The following RNH1 variants were observed in gnomAD, a reference collection of about 807,000 sequenced individuals.
RNH1 encodes the protein ribonuclease/angiogenin inhibitor 1.
RNH1 carries 38 observed loss-of-function variants against 46.1 expected under a neutral mutation model. The ratio of observed to expected loss-of-function variants is 0.82; its 90% CI spans 0.64 to 1.08. RNH1 has a LOEUF of 1.08. Among genes scored for constraint, RNH1 ranks in the 50% least tolerant of loss-of-function variants. The pLI is 0.00. For synonymous variants in RNH1, 319 were observed against 279.1 expected, an observed-to-expected ratio of 1.14 and a Z score of -1.43; for missense variants, 577 against 590.7, an observed-to-expected ratio of 0.98 and a Z score of 0.24.
At chr11:506,002 C>T (rs1850240075) in intron 1 of RNH1, 1 of 152,426 alleles carries the variant, frequency 6.6e-6, no homozygotes, top group Non-Finnish European at 1.5e-5. Context: ...ACCTCAACCT[C>T]CCAAGTAGCT....
At chr11:495,440 G>A (rs528762615) in intron 9 of RNH1, among the ~76,000 whole-genome samples, 14 of 152,300 alleles carry the variant, frequency 9.2e-5, no homozygotes, top group African/African-American at 3.4e-4. Flanking sequence ...GGGTATGGAG[G>A]GTACCAAGAC....
rs376817899 is a variant in RNH1 at position 502,090 on chromosome 11, G to A, written c.73C>T (p.Pro25Ser). ...LSDARWAELL[P>S]LLQQCQVVRL... Reference sequence around the variant, plus strand: ...ACCACTTGGCACTGCTGGAGCAGAGGGAGGAGCTCGGCCCATCTAGCGTCG... The same window carrying A: ...ACCACTTGGCACTGCTGGAGCAGAGAGAGGAGCTCGGCCCATCTAGCGTCG... Residue 25 changes from proline to serine, a missense_variant, in exon 3 of 11, where the codon CCT becomes TCT. Coordinates refer to ENST00000354420, the MANE Select transcript of RNH1 (RefSeq NM_203387.3). This position sits in a 1 kb window ranked among gnomAD's most constrained non-coding sequence, Gnocchi z 5.8. The A allele has an allele frequency of 1.9e-5, 31 of 1,612,036 alleles. No homozygotes were observed. In the African/African-American group the frequency reaches 2.8e-4, roughly 15 times the overall value.
intron 4 of RNH1, 74 bp from the exon 5 acceptor site, chr11:500,073 G>A: frequency 6.9e-7 from 1 of 1,442,324 alleles, no homozygotes; most frequent in Non-Finnish European, 9.2e-7. Flanking sequence ...AGAGCCCAGA[G>A]CCCGGAGCAG....
At position 498,531 on chromosome 11, in the gene RNH1, G is replaced by A. The variant is rs368765339; in HGVS notation, c.882C>T (p.Asn294=). ...ESLKELSLAG[N]ELGDEGARLL... ...GTCGGGCACCCTCATCCCCCAGCTC[G>A]TTGCCGGCCAGGCTGAGCTCCTTCA... The change falls in exon 8 of 11, where the codon AAC becomes AAT. Residue 294 remains asparagine (N), a synonymous_variant. Transcript: ENST00000354420. 17 of 1,613,164 alleles carry A rather than the reference G, an allele frequency of 1.1e-5. No individual in the cohort carries two copies. Among genetic ancestry groups the A allele is most frequent in the Admixed American group, 5.0e-5 (3 of 60,010 alleles).
Position 494,990 on chromosome 11 carries a change from G to T in RNH1, c.1191C>A (p.Asn397Lys), listed in dbSNP as rs1404190361. ...CSSLAATLLANHSLRELDLSN... is the reference protein window; with the variant it reads ...CSSLAATLLAKHSLRELDLSN... ...TGAGGTCCAGCTCACGCAGGCTGTG[G>T]TTGGCCAACAGGGTTGCGGCGAGGC... Residue 397 changes from asparagine (N) to lysine (K), a missense_variant, in exon 10 of 11, where the codon AAC (asparagine) becomes AAA (lysine). Physicochemically the swap from Asn to Lys is moderately conservative, Grantham distance 94 (BLOSUM62 0). Coordinates refer to ENST00000354420, the MANE Select transcript of RNH1 (RefSeq NM_203387.3). 6.2e-7 allele frequency: 1 copy of T among 1,605,476 alleles called. No homozygotes were observed. The highest frequency in any genetic ancestry group is 8.5e-7 in the Non-Finnish European group (1 of 1,176,456).
chr11:505,762 T>C (rs1850212536), intron 1 of RNH1: 1 of 152,266 alleles, frequency 6.6e-6, no homozygotes, highest in Non-Finnish European at 1.5e-5. Flanking sequence ...GGTCTCACTA[T>C]TTTGGCCAAA....
At position 502,371 on chromosome 11, in the gene RNH1, G is replaced by A. The variant is rs12788729; in HGVS notation, c.-87-122C>T. ...TGGAGCAGACATCAGGGGTGGGGCA[G>A]GGGGCAGGGACCAGCACCCACCCCC... On this transcript the variant is annotated intron_variant, in intron 2 of 10. Transcript: ENST00000354420. This position sits in a 1 kb window ranked among gnomAD's most constrained non-coding sequence, Gnocchi z 5.8. The A allele has an allele frequency of 0.11, 63,427 of 600,426 alleles. 4,313 individuals are homozygous for A. The highest frequency in any genetic ancestry group is 0.2 in the Admixed American group (7,268 of 35,456). 37.2% of individuals were successfully genotyped at this position (600,426 alleles called of 1,614,324 possible). A position where few individuals can be genotyped will look rare whatever the true frequency, so the allele number is the denominator to read the frequency against.
chr11:504,712 G>A (rs1041121420), intron 2 of RNH1, 112 bp downstream of exon 2: 1 of 152,380 alleles, frequency 6.6e-6, no homozygotes, highest in African/African-American at 2.4e-5. Context: ...CCTTCCCCCA[G>A]ACCATCCCTC....
chr11:499,503 C>T, intron 5 of RNH1: 2 of 696,094 alleles, frequency 2.9e-6, no homozygotes, highest in Non-Finnish European at 5.2e-6. Context: ...ATGGCCGGGT[C>T]CCCCACACAC....
rs1849889661 is a variant in RNH1, at chr11:502,902, C to CTACA, written c.-87-657_-87-654dup. On this transcript the variant is annotated intron_variant, in intron 2 of 10. Transcript: ENST00000354420. This position sits in a 1 kb window ranked among gnomAD's most constrained non-coding sequence, Gnocchi z 5.8. The stretch of plus-strand genomic sequence containing the variant: ...GGTCAGCCTGGGATGGGCACAGCTG[C>CTACA]TACACCCTGAAGCCTCCCCAGGCAC... 1 of 152,698 alleles carries CTACA rather than the reference C, an allele frequency of 6.5e-6. No homozygotes were observed. The highest frequency in any genetic ancestry group is 2.4e-5 in the African/African-American group (1 of 41,570). The allele number at this position is 152,698 out of a possible 1,614,324, so 9.5% of individuals were successfully genotyped here. A position where few individuals can be genotyped will look rare whatever the true frequency, so the allele number is the denominator to read the frequency against.
chr11:494,700 G>A lies in RNH1; in HGVS notation c.1377C>T (p.Val459=), dbSNP rs147822332. ...AGCAGCAGGAAGAGCCTCAGGAGAT[G>A]ACCCTCAGGGATGGCTTGTCCTTCT... ...ALEKDKPSLR[V]IS Residue 459 remains valine, a synonymous_variant, in exon 11 of 11, where the codon GTC becomes GTT. Transcript: ENST00000354420. 2.5e-6 allele frequency: 4 copies of A among 1,613,592 alleles called. No homozygotes were observed. Among genetic ancestry groups the A allele is most frequent in the African/African-American group, 2.7e-5 (2 of 74,922 alleles).
chr11:504,462 CT>C (rs1850065071), intron 2 of RNH1: 1 of 152,430 alleles, frequency 6.6e-6, no homozygotes, highest in South Asian at 2.0e-4. Flanking sequence ...GCCAGAGCCG[CT>C]CCGCGTTCCT....
At position 494,901 on chromosome 11, in the gene RNH1, C is replaced by T. The variant is rs1462340339; in HGVS notation, c.1280G>A (p.Cys427Tyr). ...QLVESVRQPG[C>Y]LLEQLVLYDI... Reference sequence around the variant, plus strand: ...CACATACACCAGCTGCTCCAGGAGGCAGCCCGGCTGCCGGACGCTCTCCAC... The same window carrying T: ...CACATACACCAGCTGCTCCAGGAGGTAGCCCGGCTGCCGGACGCTCTCCAC... Residue 427 changes from cysteine to tyrosine, a missense_variant, in exon 10 of 11, where the codon TGC becomes TAC. Coordinates refer to ENST00000354420, the MANE Select transcript of RNH1 (RefSeq NM_203387.3). 6.2e-7 allele frequency: 1 copy of T among 1,611,844 alleles called. No individual in the cohort carries two copies. Among genetic ancestry groups the T allele is most frequent in the South Asian group, 1.1e-5 (1 of 90,900 alleles).
intron 5 of RNH1, 96 bp from the exon 6 acceptor site, chr11:499,281 T>C: frequency 7.4e-7 from 1 of 1,359,458 alleles, no homozygotes; most frequent in Non-Finnish European, 1.0e-6. Context: ...TCATCTCCCC[T>C]CAGTCTTCTG....
chr11:500,011 C>G lies in RNH1; in HGVS notation c.273-12G>C. The G allele has an allele frequency of 6.5e-7, 1 of 1,535,944 alleles. No homozygotes were observed. Among genetic ancestry groups the G allele is most frequent in the Non-Finnish European group, 8.8e-7 (1 of 1,142,300 alleles). Reference sequence around the variant, plus strand: ...AGCAGTTCTGGAGGCTGGAGCATACCTGGCTGTCAGCAGGGCTCCCCTGAG... The same window carrying G: ...AGCAGTTCTGGAGGCTGGAGCATACGTGGCTGTCAGCAGGGCTCCCCTGAG... On this transcript the variant is annotated splice_polypyrimidine_tract_variant and intron_variant, in intron 4 of 10. Transcript: ENST00000354420.
At chr11:496,524 C>T (rs1032470520) in intron 9 of RNH1, among the ~76,000 whole-genome samples, 2 of 152,142 alleles carry the variant, frequency 1.3e-5, no homozygotes, top group Non-Finnish European at 2.9e-5. Context: ...AAAAAATTAG[C>T]CTGGTGTGGT....
intron 10 of RNH1, 51 bp from the exon 11 acceptor site, chr11:494,829 G>A (rs778635673): frequency 2.2e-5 from 35 of 1,566,440 alleles, no homozygotes; most frequent in Middle Eastern, 1.7e-4. Context: ...CCCCACCCCC[G>A]CCTTCCTCCC....
At position 496,637 on chromosome 11, in the gene RNH1, C is replaced by G. The variant is rs56135098; in HGVS notation, c.1127+1334G>C. The stretch of plus-strand genomic sequence containing the variant: ...TGAGCCAAGATCGCACCACTGCACT[C>G]CAGCCTGGGCGACAGAGCAAGACTC... On this transcript the variant is annotated intron_variant, in intron 9 of 10. Coordinates refer to ENST00000354420, the MANE Select transcript of RNH1 (RefSeq NM_203387.3). 7.9e-3 allele frequency among the ~76,000 whole-genome samples: 1,198 copies of G among 152,276 alleles called. 5 individuals carry two copies. Among genetic ancestry groups the G allele is most frequent in the Non-Finnish European group, 0.014 (933 of 68,012 alleles).
chr11:502,129 ACT>A lies in RNH1; in HGVS notation c.32_33del (p.Gln11LeufsTer2). On this transcript the variant is annotated frameshift_variant, in exon 3 of 11. Transcript: ENST00000354420. LOFTEE classifies it high-confidence loss of function. The surrounding 1 kb of genome is among the most constrained non-coding windows in gnomAD (Gnocchi z 5.8). MSLDIQSLDI[Q>X]CEELSDARWA... Reference sequence around the variant, plus strand: ...CATCTAGCGTCGCTCAGCTCCTCACACTGGATGTCCAGGCTCTGGATGTCCAG... The same window carrying A: ...CATCTAGCGTCGCTCAGCTCCTCACAGGATGTCCAGGCTCTGGATGTCCAG... 1 of 1,610,210 alleles carries A rather than the reference ACT, an allele frequency of 6.2e-7. No individual in the cohort carries two copies. The highest frequency in any genetic ancestry group is 8.5e-7 in the Non-Finnish European group (1 of 1,178,356).
Sources: gnomAD v4.1 joint callset for allele counts (sites outside exome capture counted in the v4.1 genomes callset) on GRCh38, gnomAD v4.1.1 for gene constraint, Gnocchi (gnomAD v3.1) non-coding constraint, MANE v1.5 for transcripts, NCBI Gene and HGNC (gene_info 2026-07-23, HGNC 2026-07-21) for gene names.